ACER2: variants seen among roughly 807,000 people sequenced by gnomAD.
ACER2 encodes alkCDase 2.
A neutral mutation model predicts 34.7 loss-of-function variants in ACER2; 26 were observed. The ratio of observed to expected loss-of-function variants is 0.75; its 90% CI spans 0.55 to 1.04. ACER2 has a LOEUF of 1.04. Ranked by LOEUF, ACER2 falls within the 50% of genes least tolerant of loss-of-function variation. ACER2 has a pLI of 0.00. For missense variants in ACER2, 352 were observed against 340.8 expected (o/e 1.03, Z -0.26); for synonymous variants, 138 against 132.1 (o/e 1.04, Z -0.31).
chr9:19,445,256 T>C lies in ACER2; in HGVS notation c.504-1025T>C, dbSNP rs1456293682. ...GAAATTTTCATTGAGCTGTTAGCAT[T>C]TTTTTCAGAAAACCATTTTGTCCCA... On this transcript the variant is annotated intron_variant, in intron 4 of 5. Coordinates refer to ENST00000340967, the MANE Select transcript of ACER2 (RefSeq NM_001010887.3). 2.0e-5 allele frequency among the ~76,000 whole-genome samples: 3 copies of C among 152,228 alleles called. No individual in the cohort carries two copies. In the East Asian group the frequency reaches 5.8e-4, roughly 29 times the overall value.
At chr9:19,447,818 T>C (rs1431925962) in intron 5 of ACER2, among the ~76,000 whole-genome samples, 1 of 152,146 alleles carries the variant, frequency 6.6e-6, no homozygotes, top group African/African-American at 2.4e-5. Context: ...AAATGACATA[T>C]TTTTTATAAC....
At chr9:19,426,233 A>ATTTG (rs1563878667) in intron 3 of ACER2, among the ~76,000 whole-genome samples, 1 of 145,194 alleles carries the variant, frequency 6.9e-6, no homozygotes, top group African/African-American at 2.6e-5. Flanking sequence ...TTTTTTAAAA[A>ATTTG]AAAAAAAACA....
At chr9:19,428,033 CT>C (rs1361142948) in intron 3 of ACER2, among the ~76,000 whole-genome samples, 79 of 110,020 alleles carry the variant, frequency 7.2e-4, no homozygotes, top group Admixed American at 1.1e-3. Context: ...CTTTCCTTTC[CT>C]TTCCTTTCCT....
At chr9:19,429,637 T>A (rs1830688717) in intron 3 of ACER2, among the ~76,000 whole-genome samples, 1 of 152,202 alleles carries the variant, frequency 6.6e-6, no homozygotes, top group South Asian at 2.1e-4. Flanking sequence ...CAACCTTGTA[T>A]CCACTTCTTA....
At chr9:19,449,592 AT>A (rs1831489594) in intron 5 of ACER2, among the ~76,000 whole-genome samples, 2 of 152,268 alleles carry the variant, frequency 1.3e-5, no homozygotes, top group African/African-American at 4.8e-5. Flanking sequence ...TTATAAAAAT[AT>A]TGTCTTTGGG....
In ACER2 at chr9:19,446,436, G is replaced by C. The variant is rs759840079; in HGVS notation, c.641+18G>C. ...TGCATGTGGTAAGCCCCTGCTAATG[G>C]GGAGGTGGCCGGGGACAGGTGTGTT... On this transcript the variant is annotated intron_variant, in intron 5 of 5. Transcript: ENST00000340967. 14 of 1,614,092 alleles carry C rather than the reference G, an allele frequency of 8.7e-6. No individual in the cohort carries two copies. Among genetic ancestry groups the C allele is most frequent in the Non-Finnish European group, 1.2e-5 (14 of 1,180,018 alleles).
chr9:19,430,147 C>T (rs1225469711), intron 3 of ACER2, among the ~76,000 whole-genome samples: 2 of 149,920 alleles, frequency 1.3e-5, no homozygotes, highest in Non-Finnish European at 3.0e-5. Context: ...TGTAAAAAAG[C>T]CAATGATAGT....
At chr9:19,446,444 G>T (rs765741417) in intron 5 of ACER2, 26 bp downstream of exon 5, 2 of 1,613,896 alleles carry the variant, frequency 1.2e-6, no homozygotes, top group South Asian at 1.1e-5. Flanking sequence ...TGGGGAGGTG[G>T]CCGGGGACAG....
intron 4 of ACER2, among the ~76,000 whole-genome samples, chr9:19,439,305 T>C (rs1654892172): frequency 6.6e-6 from 1 of 151,960 alleles, no homozygotes; most frequent in Non-Finnish European, 1.5e-5. Context: ...CTCCTGTACA[T>C]TGTCCTCTAT....
intron 3 of ACER2, among the ~76,000 whole-genome samples, chr9:19,428,008 TTTTCCTTTCCTTTCC>T (rs549146476): frequency 0.022 from 1,427 of 65,504 alleles, 22 homozygotes; most frequent in Middle Eastern, 0.046. Context: ...CCTTTTTCCT[TTTTCCTTTCCTTTCC>T]TTTCCTTTCC....
rs181766756 is a variant in ACER2 at position 19,445,763 on chromosome 9, G to A, written c.504-518G>A. Among the ~76,000 whole-genome samples, 109 of 152,294 alleles carry A rather than the reference G, an allele frequency of 7.2e-4. 1 individual carries two copies. In the East Asian group the frequency reaches 0.02, roughly 27 times the overall value. On this transcript the variant is annotated intron_variant, in intron 4 of 5. Transcript: ENST00000340967. ...AAGATCATGCATCCGGGGCCTTGTG[G>A]CCACTGTGAATACTTTGGCTTTCCC...
intron 4 of ACER2, among the ~76,000 whole-genome samples, chr9:19,445,931 G>A (rs1489863494): frequency 6.6e-6 from 1 of 152,142 alleles, no homozygotes; most frequent in African/African-American, 2.4e-5. Context: ...TGAAGGGAGA[G>A]CTGATGGACT....
intron 2 of ACER2, 107 bp downstream of exon 2, chr9:19,424,083 A>C: frequency 9.2e-7 from 1 of 1,083,260 alleles, no homozygotes; most frequent in South Asian, 1.3e-5. Context: ...TTGTAAACTG[A>C]AGTCACTCTG....
At chr9:19,427,231 G>T (rs1159756011) in intron 3 of ACER2, among the ~76,000 whole-genome samples, 1 of 152,236 alleles carries the variant, frequency 6.6e-6, no homozygotes, top group African/African-American at 2.4e-5. Context: ...GTCAAAGTTA[G>T]CTCTCCTGAC....
intron 1 of ACER2, among the ~76,000 whole-genome samples, chr9:19,413,530 G>A (rs990506819): frequency 6.6e-6 from 1 of 151,958 alleles, no homozygotes; most frequent in African/African-American, 2.4e-5. Flanking sequence ...AACCTGGGAG[G>A]TGGAGGTTGC....
Position 19,422,262 on chromosome 9 carries a change from A to T in ACER2, c.109-1600A>T, listed in dbSNP as rs10125944. Among the ~76,000 whole-genome samples, 5 of 151,708 alleles carry T rather than the reference A, an allele frequency of 3.3e-5. 1 individual carries two copies. The highest frequency in any genetic ancestry group is 2.1e-4 in the South Asian group (1 of 4,818). ...GCTGCAGCAAGCTGGTCCCACCACTACACTCTAGCCTGGTTGACAGAGTAA... is the reference window on the plus strand; with the variant it reads ...GCTGCAGCAAGCTGGTCCCACCACTTCACTCTAGCCTGGTTGACAGAGTAA... On this transcript the variant is annotated intron_variant, in intron 1 of 5. Transcript: ENST00000340967.
chr9:19,437,805 C>A (rs920257560), intron 4 of ACER2, among the ~76,000 whole-genome samples: 8 of 152,172 alleles, frequency 5.3e-5, no homozygotes, highest in African/African-American at 1.9e-4. Flanking sequence ...TTTCTTAACC[C>A]CTTCTTATCC....
At chr9:19,410,735 G>T (rs1830063610) in intron 1 of ACER2, among the ~76,000 whole-genome samples, 1 of 152,130 alleles carries the variant, frequency 6.6e-6, no homozygotes, top group Admixed American at 6.5e-5. Flanking sequence ...CACAGATACT[G>T]TGAAAGACAG....
At chr9:19,411,866 A>G (rs941343034) in intron 1 of ACER2, among the ~76,000 whole-genome samples, 5 of 152,150 alleles carry the variant, frequency 3.3e-5, no homozygotes, top group Non-Finnish European at 5.9e-5. Flanking sequence ...CTTAATTGCT[A>G]TGTGTTGAAG....
Sources: allele counts gnomAD v4.1 joint callset (sites outside exome capture counted in the v4.1 genomes callset), GRCh38; gene constraint gnomAD v4.1.1; transcripts MANE v1.5; gene names NCBI Gene and HGNC (gene_info 2026-07-23, HGNC 2026-07-21).